SNTG1: variants seen among roughly 807,000 people sequenced by gnomAD.
The protein encoded by SNTG1 is syntrophin gamma 1.
SNTG1 carries 39 observed loss-of-function variants against 74.7 expected under a neutral mutation model. That is an observed-to-expected ratio of 0.52 (90% CI 0.40 to 0.68). The LOEUF is 0.68. SNTG1 is among the 30% of genes least tolerant of loss of function. The pLI is 0.00. For missense variants in SNTG1, 685 were observed against 609.5 expected, an observed-to-expected ratio of 1.12 and a Z score of -1.30; for synonymous variants, 254 against 217.1, an observed-to-expected ratio of 1.17 and a Z score of -1.49.
chr8:50,558,614 C>T lies in SNTG1; in HGVS notation c.810+5435C>T, dbSNP rs2062037. On this transcript the variant is annotated intron_variant, in intron 12 of 18. Transcript: ENST00000642720. The stretch of plus-strand genomic sequence containing the variant: ...TTTATCTAGTGCATTGAGGTATAAC[C>T]GGTGGGAAAGATGGCTGCAGTGTTT... Among the ~76,000 whole-genome samples, 1,356 of 151,098 alleles carry T rather than the reference C, an allele frequency of 9.0e-3. 27 individuals are homozygous for T. Among genetic ancestry groups the T allele is most frequent in the African/African-American group, 0.031 (1,284 of 41,174 alleles).
chr8:50,701,527 C>A (rs1163206387), intron 15 of SNTG1, among the ~76,000 whole-genome samples: 3 of 150,560 alleles, frequency 2.0e-5, no homozygotes, highest in Non-Finnish European at 4.4e-5. Flanking sequence ...TTAAAATTTA[C>A]TTCCTAGAGA....
chr8:50,768,734 A>G (rs2095619792), intron 18 of SNTG1, among the ~76,000 whole-genome samples: 1 of 152,048 alleles, frequency 6.6e-6, no homozygotes, highest in African/African-American at 2.4e-5. Context: ...AGAAGACAAA[A>G]TGAGGATGAG....
chr8:50,401,397 T>C (rs1352264155), intron 3 of SNTG1, among the ~76,000 whole-genome samples: 1 of 152,200 alleles, frequency 6.6e-6, no homozygotes, highest in African/African-American at 2.4e-5. Context: ...CTTTGGTGAT[T>C]ACTAAGATAA....
At chr8:50,197,293 G>T (rs72640721) in intron 2 of SNTG1, among the ~76,000 whole-genome samples, 1 of 152,126 alleles carries the variant, frequency 6.6e-6, no homozygotes, top group Non-Finnish European at 1.5e-5. Context: ...TGTACATAAA[G>T]ATATATACAT....
chr8:50,316,031 T>A (rs552119860), intron 2 of SNTG1, among the ~76,000 whole-genome samples: 1 of 152,314 alleles, frequency 6.6e-6, no homozygotes, highest in South Asian at 2.1e-4. Flanking sequence ...AGAAACCAAC[T>A]TTTAAAATTC....
rs58030144 is a variant in SNTG1 at position 50,395,506 on chromosome 8, G to GGTTTTTTT, written c.27+1241_27+1242insGTTTTTTT. Among the ~76,000 whole-genome samples the GGTTTTTTT allele has an allele frequency of 6.6e-5, 9 of 135,674 alleles. 3 individuals are homozygous for GGTTTTTTT. The highest frequency in any genetic ancestry group is 2.1e-4 in the East Asian group (1 of 4,694). 89.0% of individuals were successfully genotyped at this position (135,674 alleles called of 152,430 possible). ...TTTAAATTTTAATTGTCTAATTTCT[G>GGTTTTTTT]TTTTTTTTTTTTTTTTTAATGGAGT... On this transcript the variant is annotated intron_variant, in intron 3 of 18. Transcript: ENST00000642720.
chr8:50,618,006 A>G (rs1335229131), intron 13 of SNTG1, among the ~76,000 whole-genome samples: 2 of 152,228 alleles, frequency 1.3e-5, no homozygotes, highest in African/African-American at 4.8e-5. Flanking sequence ...CTCTCAGTAT[A>G]TGGAAGAAAG....
intron 18 of SNTG1, among the ~76,000 whole-genome samples, chr8:50,755,349 C>T (rs7017602): frequency 0.015 from 2,240 of 151,244 alleles, 45 homozygotes; most frequent in African/African-American, 0.051. Flanking sequence ...ATAGTTGGAT[C>T]ATACAATAGT....
At chr8:50,071,186 A>G (rs1045359259) in intron 1 of SNTG1, among the ~76,000 whole-genome samples, 12 of 152,166 alleles carry the variant, frequency 7.9e-5, no homozygotes, top group Non-Finnish European at 1.5e-4. Flanking sequence ...TTAGTCCATC[A>G]CATATACATG....
intron 13 of SNTG1, among the ~76,000 whole-genome samples, chr8:50,628,744 T>G (rs77255650): frequency 0.043 from 6,548 of 152,272 alleles, 246 homozygotes; most frequent in African/African-American, 0.094. Flanking sequence ...AACAAGTAAA[T>G]CAAAATATAT....
intron 13 of SNTG1, among the ~76,000 whole-genome samples, chr8:50,625,669 C>G (rs938032793): frequency 6.6e-6 from 1 of 152,168 alleles, no homozygotes; most frequent in Non-Finnish European, 1.5e-5. Context: ...ACTTTAAATA[C>G]TCTTAAATCC....
At chr8:50,530,822 A>G (rs1585591430) in intron 10 of SNTG1, among the ~76,000 whole-genome samples, 2 of 152,270 alleles carry the variant, frequency 1.3e-5, no homozygotes, top group Non-Finnish European at 1.5e-5. Flanking sequence ...CTCTACTTGC[A>G]TTTTGAGTAA....
chr8:50,284,091 G>A (rs2088627007), intron 2 of SNTG1, among the ~76,000 whole-genome samples: 1 of 151,976 alleles, frequency 6.6e-6, no homozygotes, highest in South Asian at 2.1e-4. Flanking sequence ...GTCTGTAACG[G>A]TGTCACAGAC....
intron 17 of SNTG1, among the ~76,000 whole-genome samples, chr8:50,750,732 C>A (rs979247025): frequency 6.6e-6 from 1 of 151,946 alleles, no homozygotes; most frequent in Non-Finnish European, 1.5e-5. Context: ...AAGGTATATA[C>A]ATTTTTTTAG....
intron 13 of SNTG1, among the ~76,000 whole-genome samples, chr8:50,614,370 A>G (rs994332998): frequency 6.6e-5 from 10 of 152,100 alleles, no homozygotes; most frequent in South Asian, 2.1e-4. Flanking sequence ...TACAATTCCT[A>G]CAGAAGGAGA....
intron 12 of SNTG1, among the ~76,000 whole-genome samples, chr8:50,579,674 C>A (rs183403393): frequency 1.3e-5 from 2 of 152,158 alleles, no homozygotes; most frequent in East Asian, 1.9e-4. Context: ...GGGGCCAATG[C>A]GCAGTTCAGG....
At chr8:50,748,581 CTTTTACAAATTGCAGGTT>C (rs1421013232) in intron 17 of SNTG1, among the ~76,000 whole-genome samples, 4 of 151,948 alleles carry the variant, frequency 2.6e-5, no homozygotes, top group Non-Finnish European at 5.9e-5. Context: ...TATACTGTGT[CTTTTACAAATTGCAGGTT>C]TGTGGCAACC....
chr8:50,621,109 C>A (rs1315710989), intron 13 of SNTG1, among the ~76,000 whole-genome samples: 1 of 149,948 alleles, frequency 6.7e-6, no homozygotes, highest in African/African-American at 2.5e-5. Context: ...ACATTCTATA[C>A]CATTTTCTTT....
At position 50,756,767 on chromosome 8, in the gene SNTG1, C is replaced by A. The variant is rs57329728; in HGVS notation, c.1395+4656C>A. Among the ~76,000 whole-genome samples the A allele has an allele frequency of 5.9e-3, 893 of 151,716 alleles. 6 individuals carry two copies. Among genetic ancestry groups the A allele is most frequent in the African/African-American group, 0.019 (801 of 41,484 alleles). On this transcript the variant is annotated intron_variant, in intron 18 of 18. Transcript: ENST00000642720. ...GCTATTCTGTGTCTTTTGCCTCTCTCTATATATTTTAGAATCAATTTGTCA... is the reference window on the plus strand; with the variant it reads ...GCTATTCTGTGTCTTTTGCCTCTCTATATATATTTTAGAATCAATTTGTCA...
Sources: gnomAD v4.1 joint callset for allele counts (sites outside exome capture counted in the v4.1 genomes callset) on GRCh38, gnomAD v4.1.1 for gene constraint, MANE v1.5 for transcripts, NCBI Gene and HGNC (gene_info 2026-07-23, HGNC 2026-07-21) for gene names.